Variants in MUC4 observed in about 807,000 individuals in gnomAD.
MUC4 encodes the protein mucin 4, cell surface associated.
MUC4 carries 202 observed loss-of-function variants against 257.9 expected under a neutral mutation model. That is an observed-to-expected ratio of 0.78 (90% CI 0.70 to 0.88). MUC4 has a LOEUF of 0.88. Among genes scored for constraint, MUC4 ranks in the 40% least tolerant of loss-of-function variants. The probability of loss-of-function intolerance (pLI) is 0.00; values close to 1 mark genes in which losing one functional copy is unlikely to be tolerated. For synonymous variants in MUC4, 2,351 were observed against 2,757.1 expected (o/e 0.85, Z 4.62); for missense variants, 5,976 against 6,513.7 (o/e 0.92, Z 2.84).
In MUC4 at chr3:195,788,777, C is replaced by T. The variant is rs1364682627; in HGVS notation, c.2803G>A (p.Val935Ile). 6.2e-7 allele frequency: 1 copy of T among 1,613,832 alleles called. No individual in the cohort carries two copies. Among genetic ancestry groups the T allele is most frequent in the Non-Finnish European group, 8.5e-7 (1 of 1,179,816 alleles). Residue 935 changes from valine (V) to isoleucine (I), a missense_variant, in exon 2 of 25, where the codon GTC (valine) becomes ATC (isoleucine). Val to Ile is a conservative substitution (Grantham distance 29). Coordinates refer to ENST00000463781, the MANE Select transcript of MUC4 (RefSeq NM_018406.7). ...GTGATCGATGGAGGTGTGGGTGGGA[C>T]TGTTGAGAAGGTGTCGGTTGCCTGG... The part of the protein sequence containing the change: ...ASQATDTFST[V>I]PPTPPSITST...
rs373109620 is a variant in MUC4 at position 195,780,315 on chromosome 3, T to A, written c.11265A>T (p.Thr3755=). ...TGACAAGAAGAGGGGTGGCGTGACC[T>A]GTGGATGCTGAGGAAGTGCTGGTGA... The part of the protein sequence containing the change: ...LPVTSTSSAS[T]GHATPLLVTD... The change falls in exon 2 of 25, where the codon ACA becomes ACT. Residue 3755 remains threonine (T), a synonymous_variant. Transcript: ENST00000463781. 13 of 1,526,452 alleles carry A rather than the reference T, an allele frequency of 8.5e-6. No homozygotes were observed. The highest frequency in any genetic ancestry group is 1.4e-5 in the African/African-American group (1 of 70,770). The allele number at this position is 1,526,452 out of a possible 1,614,324, so 94.6% of individuals were successfully genotyped here.
At chr3:195,767,615 CCACCAT>C (rs1358829516) in intron 7 of MUC4, among the ~76,000 whole-genome samples, 2 of 61,446 alleles carry the variant, frequency 3.3e-5, no homozygotes, top group Non-Finnish European at 7.6e-5. Flanking sequence ...ACCATTGCCA[CCACCAT>C]CACCACCATC....
Position 195,790,552 on chromosome 3 carries a change from G to A in MUC4, c.1028C>T (p.Thr343Ile). The A allele has an allele frequency of 1.2e-6, 2 of 1,614,028 alleles. No individual in the cohort carries two copies. Among genetic ancestry groups the A allele is most frequent in the Non-Finnish European group, 1.7e-6 (2 of 1,179,884 alleles). The change falls in exon 2 of 25, where the codon ACC (threonine) becomes ATC (isoleucine). Residue 343 changes from threonine to isoleucine, a missense_variant. Thr to Ile is a moderately conservative substitution (Grantham distance 89, BLOSUM62 -1). Transcript: ENST00000463781. Reference protein sequence around the residue: ...TRVSQINTLNTLTPVTTSTVL... With the variant: ...TRVSQINTLNILTPVTTSTVL... ...AGTTGATGTTGTAACCGGTGTGAGG[G>A]TGTTGAGGGTGTTGATTTGAGATAC... is the stretch of plus-strand genomic sequence containing the variant.
Position 195,770,768 on chromosome 3 carries a change from G to A in MUC4, c.13243-397C>T, listed in dbSNP as rs187189123. The A allele has an allele frequency of 5.3e-5, 23 of 437,092 alleles. No homozygotes were observed. In the East Asian group the frequency reaches 7.5e-4, roughly 14 times the overall value. 27.1% of individuals were successfully genotyped at this position (437,092 alleles called of 1,614,324 possible). A position where few individuals can be genotyped will look rare whatever the true frequency, so the allele number is the denominator to read the frequency against. On this transcript the variant is annotated intron_variant, in intron 5 of 24. Transcript: ENST00000463781. Reference sequence around the variant, plus strand: ...ACTGCCCTGTCCGTGGCAGGGGCACGGTCCACACTTCCTGCAGTAGCTTTC... The same window carrying A: ...ACTGCCCTGTCCGTGGCAGGGGCACAGTCCACACTTCCTGCAGTAGCTTTC...
rs556051209 is a variant in MUC4, at chr3:195,780,225, T to C, written c.11355A>G (p.Ala3785=). ...TPLPVTDASS[A]STGDTTPLPV... ...GAAGAGGGGTGGTGTCACCTGTGGA[T>C]GCTGAGGAAGCGTCGGTGACAGGAA... Residue 3785 remains alanine, a synonymous_variant, in exon 2 of 25, where the codon GCA becomes GCG. Coordinates refer to ENST00000463781, the MANE Select transcript of MUC4 (RefSeq NM_018406.7). 2.2e-3 allele frequency: 3,175 copies of C among 1,463,872 alleles called. 131 individuals carry two copies. The African/African-American group carries it at 0.038, about 18-fold the overall frequency. The allele number at this position is 1,463,872 out of a possible 1,614,324, so 90.7% of individuals were successfully genotyped here. A position where few individuals can be genotyped will look rare whatever the true frequency, so the allele number is the denominator to read the frequency against.
chr3:195,770,867 T>C (rs1156690826), intron 5 of MUC4: 1 of 458,488 alleles, frequency 2.2e-6, no homozygotes, highest in East Asian at 6.9e-5. Flanking sequence ...TCACTCTTGT[T>C]AGGATAGACC....
At chr3:195,767,458 A>ATC (rs1254380940) in intron 7 of MUC4, among the ~76,000 whole-genome samples, 1 of 143,302 alleles carries the variant, frequency 7.0e-6, no homozygotes, top group Admixed American at 6.8e-5. Context: ...CACCACCACC[A>ATC]ACACTACCAC....
chr3:195,767,768 A>AT (rs1721552957), intron 7 of MUC4, among the ~76,000 whole-genome samples: 2 of 120,676 alleles, frequency 1.7e-5, no homozygotes, highest in Non-Finnish European at 3.4e-5. Context: ...CATCACCACC[A>AT]CCACCACCAT....
intron 1 of MUC4, among the ~76,000 whole-genome samples, chr3:195,800,432 T>C (rs927221097): frequency 3.3e-5 from 5 of 152,196 alleles, no homozygotes; most frequent in Non-Finnish European, 5.9e-5. Flanking sequence ...GTGGAGGACA[T>C]AGTTTTATTG....
In MUC4 at chr3:195,771,809, T is replaced by C; in HGVS notation, c.13085A>G (p.Asp4362Gly). The change falls in exon 5 of 25, where the codon GAC becomes GGC. Residue 4362 changes from aspartate (D) to glycine (G), a missense_variant. Asp to Gly is a moderately conservative substitution (Grantham distance 94, BLOSUM62 -1). This residue lies in a region of MUC4 where 233 missense variants were observed against 171.2 expected (regional missense o/e 1.36). Coordinates refer to ENST00000463781, the MANE Select transcript of MUC4 (RefSeq NM_018406.7). ...CTCTGGGAAGATGATCTGGCCATTG[T>C]CTGTGAACTGAGCACATGGGTTTTG... is the stretch of plus-strand genomic sequence containing the variant. The part of the protein sequence containing the change: ...SSLRDSLYFT[D>G]NGQIIFPESD... 4 of 1,613,832 alleles carry C rather than the reference T, an allele frequency of 2.5e-6. No individual in the cohort carries two copies. Among genetic ancestry groups the C allele is most frequent in the Non-Finnish European group, 3.4e-6 (4 of 1,179,796 alleles).
Position 195,762,866 on chromosome 3 carries a change from T to C in MUC4, c.14333A>G (p.Glu4778Gly). The C allele has an allele frequency of 6.4e-7, 1 of 1,564,548 alleles. No homozygotes were observed. Reference sequence around the variant, plus strand: ...GCTCCCCAACCTACCTCCGCCGTCTTCATGGTCAGGCTGAAATGTCACAGT... The same window carrying C: ...GCTCCCCAACCTACCTCCGCCGTCTCCATGGTCAGGCTGAAATGTCACAGT... ...NQTVTFQPDH[E>G]DGGGQETFNA... is the part of the protein sequence containing the mutation. The change falls in exon 13 of 25, where the codon GAA becomes GGA. Residue 4778 changes from glutamate (E) to glycine (G), a missense_variant. Physicochemically the swap from Glu to Gly is moderately conservative, Grantham distance 98 (BLOSUM62 -2). Transcript: ENST00000463781.
intron 4 of MUC4, among the ~76,000 whole-genome samples, 154 bp from the exon 5 acceptor site, chr3:195,771,970 G>A (rs907441960): frequency 6.6e-6 from 1 of 152,156 alleles, no homozygotes; most frequent in Non-Finnish European, 1.5e-5. Context: ...CTGTTTTGGG[G>A]AGAGCCCTTT....
chr3:195,807,485 A>G (rs116318858), intron 1 of MUC4, among the ~76,000 whole-genome samples: 2,499 of 151,868 alleles, frequency 0.016, 86 homozygotes, highest in African/African-American at 0.057. Context: ...AAACAAACAA[A>G]CCCAAAAAAC....
Position 195,757,456 on chromosome 3 carries a change from C to A in MUC4, c.14987-128G>T. 1.1e-6 allele frequency: 1 copy of A among 877,806 alleles called. No homozygotes were observed. Among genetic ancestry groups the A allele is most frequent in the South Asian group, 1.8e-5 (1 of 55,098 alleles). The allele number at this position is 877,806 out of a possible 1,614,324, so 54.4% of individuals were successfully genotyped here. ...CCCTCCCCAGACAAATCTCATTGGT[C>A]ATTTCCTTTGAGCAAGGCTGGTATC... On this transcript the variant is annotated intron_variant, in intron 17 of 24. Coordinates refer to ENST00000463781, the MANE Select transcript of MUC4 (RefSeq NM_018406.7). The surrounding 1 kb of genome is among the most constrained non-coding windows in gnomAD (Gnocchi z 4.8).
chr3:195,789,160 G>T lies in MUC4; in HGVS notation c.2420C>A (p.Ser807Ter). 1.2e-6 allele frequency: 2 copies of T among 1,613,844 alleles called. No individual in the cohort carries two copies. Among genetic ancestry groups the T allele is most frequent in the Non-Finnish European group, 1.7e-6 (2 of 1,179,860 alleles). The change falls in exon 2 of 25, where the codon TCA (serine) becomes TAA (stop). Residue 807 changes from serine (S) to a stop codon, truncating the protein, a stop_gained. Transcript: ENST00000463781. LOFTEE classifies it high-confidence loss of function. ...TTSAGTATPS[S>*]SGASGTTPSG... ...AGGTGTTGTGCCACTCGCCCCGGAT[G>T]AGGAAGGGGTAGCTGTGCCCGCTGA...
At position 195,750,961 on chromosome 3, in the gene MUC4, T is replaced by A. The variant is rs1445153621; in HGVS notation, c.15799A>T (p.Arg5267Trp). Residue 5267 changes from arginine (R) to tryptophan (W), a missense_variant, in exon 23 of 25, where the codon AGG becomes TGG. Around this residue, in one of 44 missense-constraint regions of MUC4, gnomAD observed 310 missense variants for 242.1 expected, o/e 1.28. Coordinates refer to ENST00000463781, the MANE Select transcript of MUC4 (RefSeq NM_018406.7). ...ACGTCGTTCCTGGGCTCCTCACTCC[T>A]CCGTGGAACGTGGTATAAGAACGCC... is the stretch of plus-strand genomic sequence containing the variant. ...VEAFLYHVPR[R>W]SEEPRNDVVF... is the part of the protein sequence containing the mutation. 1 of 1,613,998 alleles carries A rather than the reference T, an allele frequency of 6.2e-7. No homozygotes were observed. Among genetic ancestry groups the A allele is most frequent in the Non-Finnish European group, 8.5e-7 (1 of 1,180,000 alleles).
Position 195,786,525 on chromosome 3 carries a change from G to GT in MUC4, c.5054_5055insA (p.Leu1686ProfsTer8). On this transcript the variant is annotated frameshift_variant, in exon 2 of 25. Transcript: ENST00000463781. LOFTEE classifies it high-confidence loss of function. Reference sequence around the variant, plus strand: ...TGTCATCTGTGGTAGCTGAGGAAAGGCCGGTGACAGGAAGAGGGGTGGCGT... The same window carrying GT: ...TGTCATCTGTGGTAGCTGAGGAAAGGTCCGGTGACAGGAAGAGGGGTGGCGT... The GT allele has an allele frequency of 6.6e-7, 1 of 1,524,276 alleles. No individual in the cohort carries two copies. Among genetic ancestry groups the GT allele is most frequent in the African/African-American group, 1.4e-5 (1 of 70,734 alleles). The allele number at this position is 1,524,276 out of a possible 1,614,324, so 94.4% of individuals were successfully genotyped here.
At chr3:195,773,413 G>T (rs984669327) in intron 4 of MUC4, among the ~76,000 whole-genome samples, 1 of 150,352 alleles carries the variant, frequency 6.7e-6, no homozygotes, top group Admixed American at 6.6e-5. Flanking sequence ...CCATCACTTA[G>T]GGGGTGGAAA....
intron 4 of MUC4, among the ~76,000 whole-genome samples, chr3:195,773,036 A>ACACCCTCTCTCCATCGCTCAGGGGTGTG (rs1560278209): frequency 4.4e-5 from 5 of 113,014 alleles, no homozygotes; most frequent in East Asian, 3.3e-4. Context: ...TCAGGGGTGT[A>ACACCCTCTCTCCATCGCTCAGGGGTGTG]GACACCCTCC....
Sources: gnomAD v4.1 joint callset for allele counts (sites outside exome capture counted in the v4.1 genomes callset) on GRCh38, gnomAD v4.1.1 for gene constraint, gnomAD v4.1.1 regional missense constraint, Gnocchi (gnomAD v3.1) non-coding constraint, MANE v1.5 for transcripts, NCBI Gene and HGNC (gene_info 2026-07-23, HGNC 2026-07-21) for gene names.